The following CDK14 variants were observed in gnomAD, a reference collection of about 807,000 sequenced individuals.
The protein encoded by CDK14 is cyclin dependent kinase 14, also known as cyclin-dependent kinase 14.
A neutral mutation model predicts 60.7 loss-of-function variants in CDK14; 34 were observed. That is an observed-to-expected ratio of 0.56 (90% CI 0.43 to 0.75). CDK14 has a LOEUF of 0.75. Ranked by LOEUF, CDK14 falls within the 30% of genes least tolerant of loss-of-function variation. The pLI is 0.00. For synonymous variants in CDK14, 197 were observed against 203.7 expected, an observed-to-expected ratio of 0.97 and a Z score of 0.28; for missense variants, 482 against 564.1, an observed-to-expected ratio of 0.85 and a Z score of 1.47.
At chr7:90,796,521 A>G (rs1788440329) in intron 5 of CDK14, among the ~76,000 whole-genome samples, 1 of 152,186 alleles carries the variant, frequency 6.6e-6, no homozygotes, top group African/African-American at 2.4e-5. Context: ...TACAGTTTAA[A>G]AGGCTGTTAT....
chr7:90,866,379 T>C (rs1295360902), intron 6 of CDK14, among the ~76,000 whole-genome samples: 5 of 152,126 alleles, frequency 3.3e-5, no homozygotes, highest in Admixed American at 3.3e-4. Context: ...CAAAGATATT[T>C]TCTAAACAAT....
At chr7:90,636,567 T>C (rs1031345857) in intron 2 of CDK14, among the ~76,000 whole-genome samples, 1 of 151,888 alleles carries the variant, frequency 6.6e-6, no homozygotes, top group Non-Finnish European at 1.5e-5. Context: ...TGCATCAATG[T>C]TCATCAAGGA....
chr7:91,182,196 G>T lies in CDK14; in HGVS notation c.*29-24969G>T, dbSNP rs1337684201. 3.3e-5 allele frequency among the ~76,000 whole-genome samples: 5 copies of T among 151,978 alleles called. No individual in the cohort carries two copies. In the East Asian group the frequency reaches 9.6e-4, roughly 29 times the overall value. ...GAATGGCAATATGATTAATGAAAAT[G>T]GGTTCAGATTTTTTCTTCCTTTTTT... is the stretch of plus-strand genomic sequence containing the variant. On this transcript the variant is annotated intron_variant, in intron 14 of 14. Coordinates refer to ENST00000380050, the MANE Select transcript of CDK14 (RefSeq NM_001287135.2).
At chr7:90,649,843 C>T (rs569822283) in intron 2 of CDK14, among the ~76,000 whole-genome samples, 8 of 152,116 alleles carry the variant, frequency 5.3e-5, no homozygotes, top group Non-Finnish European at 1.0e-4. Context: ...GCCACATTTT[C>T]TTAATCCAGT....
At chr7:91,043,598 AG>A (rs1797150093) in intron 10 of CDK14, among the ~76,000 whole-genome samples, 1 of 149,142 alleles carries the variant, frequency 6.7e-6, no homozygotes, top group African/African-American at 2.6e-5. Flanking sequence ...CGTTTATGTC[AG>A]AGACAATGCT....
At chr7:90,958,862 C>T in intron 9 of CDK14, among the ~76,000 whole-genome samples, 1 of 152,048 alleles carries the variant, frequency 6.6e-6, no homozygotes, top group African/African-American at 2.4e-5. Flanking sequence ...GTCTTAGTTG[C>T]TTGGTAGTTC....
chr7:91,059,710 C>T (rs1274593185), intron 11 of CDK14, among the ~76,000 whole-genome samples: 3 of 152,032 alleles, frequency 2.0e-5, no homozygotes, highest in African/African-American at 4.8e-5. Context: ...TGTAGTTGAG[C>T]GGTTTTGAGT....
chr7:90,808,638 G>C (rs1439290833), intron 5 of CDK14, among the ~76,000 whole-genome samples: 1 of 152,090 alleles, frequency 6.6e-6, no homozygotes, highest in African/African-American at 2.4e-5. Context: ...AATGTAAATG[G>C]GCTAAATGCT....
chr7:90,750,647 C>A (rs143972476), intron 4 of CDK14, among the ~76,000 whole-genome samples: 1 of 152,058 alleles, frequency 6.6e-6, no homozygotes, highest in Non-Finnish European at 1.5e-5. Context: ...CCAAGGCGAG[C>A]GGATCATCTG....
At chr7:91,054,940 A>C (rs1167130613) in intron 11 of CDK14, among the ~76,000 whole-genome samples, 1 of 152,118 alleles carries the variant, frequency 6.6e-6, no homozygotes, top group African/African-American at 2.4e-5. Flanking sequence ...GAGAGGAAGA[A>C]ATCAATGCTT....
intron 14 of CDK14, among the ~76,000 whole-genome samples, chr7:91,148,762 G>A (rs1800734362): frequency 6.6e-6 from 1 of 152,150 alleles, no homozygotes; most frequent in Non-Finnish European, 1.5e-5. Context: ...TTCCTTTGCA[G>A]TATTATTTTT....
At chr7:90,834,852 C>A (rs1384775107) in intron 5 of CDK14, among the ~76,000 whole-genome samples, 2 of 152,154 alleles carry the variant, frequency 1.3e-5, no homozygotes. Context: ...CCATGCAATT[C>A]ATGATGTCTA....
intron 11 of CDK14, among the ~76,000 whole-genome samples, chr7:91,065,290 A>G (rs1006904647): frequency 1.3e-5 from 2 of 152,180 alleles, no homozygotes; most frequent in Non-Finnish European, 2.9e-5. Context: ...TTGATGTGTT[A>G]CATCAAAACC....
chr7:91,186,826 C>T (rs990512441), intron 14 of CDK14, among the ~76,000 whole-genome samples: 2 of 152,022 alleles, frequency 1.3e-5, no homozygotes, highest in Non-Finnish European at 1.5e-5. Flanking sequence ...TGTTGCCGAC[C>T]CTATAAAATC....
At chr7:91,056,731 C>A (rs1326904351) in intron 11 of CDK14, among the ~76,000 whole-genome samples, 1 of 152,256 alleles carries the variant, frequency 6.6e-6, no homozygotes, top group South Asian at 2.1e-4. Flanking sequence ...CTACAAAGGA[C>A]GTGAACTCAT....
intron 10 of CDK14, among the ~76,000 whole-genome samples, chr7:91,021,736 C>T (rs1408507282): frequency 6.6e-6 from 1 of 152,202 alleles, no homozygotes; most frequent in East Asian, 1.9e-4. Flanking sequence ...CAAGGGATCC[C>T]TTTGGGGGCC....
intron 8 of CDK14, among the ~76,000 whole-genome samples, chr7:90,931,447 T>G (rs1359161993): frequency 6.6e-6 from 1 of 152,200 alleles, no homozygotes; most frequent in African/African-American, 2.4e-5. Flanking sequence ...ACTCAACACC[T>G]TTTAAAGTGA....
chr7:91,044,095 T>C (rs1302212300), intron 10 of CDK14, among the ~76,000 whole-genome samples: 1 of 152,210 alleles, frequency 6.6e-6, no homozygotes. Flanking sequence ...CAATGGCCCA[T>C]GACACAGCCC....
intron 12 of CDK14, among the ~76,000 whole-genome samples, chr7:91,085,529 C>A (rs963934697): frequency 2.0e-5 from 3 of 152,108 alleles, no homozygotes; most frequent in African/African-American, 7.2e-5. Flanking sequence ...CTGTACAGTC[C>A]CTTTTGCTGT....
Sources: gnomAD v4.1 joint callset for allele counts (sites outside exome capture counted in the v4.1 genomes callset) on GRCh38, gnomAD v4.1.1 for gene constraint, MANE v1.5 for transcripts, NCBI Gene and HGNC (gene_info 2026-07-23, HGNC 2026-07-21) for gene names.